Variants in FAM78B observed in about 807,000 individuals in gnomAD.
FAM78B encodes the protein family with sequence similarity 78 member B.
A neutral mutation model predicts 20.0 loss-of-function variants in FAM78B; 10 were observed. That is an observed-to-expected ratio of 0.50 (90% CI 0.31 to 0.85). The LOEUF (loss-of-function observed/expected upper bound fraction) is 0.85, where lower values mean the gene tolerates loss of function less well. Ranked by LOEUF, FAM78B falls within the 40% of genes least tolerant of loss-of-function variation. The pLI is 0.05. For missense variants in FAM78B, 283 were observed against 345.0 expected (o/e 0.82, Z 1.42); for synonymous variants, 135 against 132.8 (o/e 1.02, Z -0.12).
At chr1:166,073,502 C>T (rs1016108885) in intron 1 of FAM78B, among the ~76,000 whole-genome samples, 4 of 132,528 alleles carry the variant, frequency 3.0e-5, no homozygotes, top group Non-Finnish European at 5.9e-5. Context: ...TCTTCCCTCT[C>T]TCTATCTCTC....
intron 1 of FAM78B, among the ~76,000 whole-genome samples, chr1:166,088,602 G>A (rs1274782828): frequency 6.6e-6 from 1 of 152,186 alleles, no homozygotes; most frequent in Non-Finnish European, 1.5e-5. Context: ...GGAACGGTAG[G>A]TGTCACACTT....
intron 1 of FAM78B, among the ~76,000 whole-genome samples, chr1:166,118,767 CAAAGT>C (rs1277452144): frequency 6.6e-6 from 1 of 152,100 alleles, no homozygotes; most frequent in East Asian, 1.9e-4. Context: ...CTGAGGCCTT[CAAAGT>C]AAAGGGCTTA....
chr1:166,109,528 C>T (rs1457469831), intron 1 of FAM78B, among the ~76,000 whole-genome samples: 5 of 151,390 alleles, frequency 3.3e-5, no homozygotes, highest in East Asian at 2.0e-4. Context: ...GGTGTGGATG[C>T]GGTGAACAGA....
intron 1 of FAM78B, among the ~76,000 whole-genome samples, chr1:166,077,655 TATA>T (rs869166429): frequency 5.6e-5 from 7 of 126,040 alleles, no homozygotes; most frequent in Non-Finnish European, 9.8e-5. Context: ...ATATATAAAT[TATA>T]ATAAATACAT....
At chr1:166,096,629 G>A (rs554137822) in intron 1 of FAM78B, among the ~76,000 whole-genome samples, 2 of 152,254 alleles carry the variant, frequency 1.3e-5, no homozygotes, top group Non-Finnish European at 2.9e-5. Context: ...AAAGTAGAAC[G>A]AGAGTATCTC....
chr1:166,137,259 T>C (rs1655100824), intron 1 of FAM78B, among the ~76,000 whole-genome samples: 1 of 152,236 alleles, frequency 6.6e-6, no homozygotes, highest in African/African-American at 2.4e-5. Context: ...TACTGAGGAC[T>C]CTGGGCTGCA....
At chr1:166,064,417 T>A (rs1003848600), downstream of FAM78B, among the ~76,000 whole-genome samples, 2 of 152,050 alleles carry the variant, frequency 1.3e-5, no homozygotes, top group Non-Finnish European at 2.9e-5. Flanking sequence ...CTTCTCTAGG[T>A]TTAAACTAGG....
intron 1 of FAM78B, among the ~76,000 whole-genome samples, chr1:166,120,444 C>T (rs533076338): frequency 2.0e-5 from 3 of 152,300 alleles, no homozygotes; most frequent in South Asian, 2.1e-4. Flanking sequence ...CCAGCAACTG[C>T]GGGAACATGG....
At chr1:166,101,466 A>G (rs1653513813) in intron 1 of FAM78B, among the ~76,000 whole-genome samples, 1 of 152,204 alleles carries the variant, frequency 6.6e-6, no homozygotes, top group East Asian at 1.9e-4. Context: ...CCTTGAAAAA[A>G]AATTAGATGA....
intron 1 of FAM78B, among the ~76,000 whole-genome samples, chr1:166,152,577 G>C (rs73046938): frequency 8.8e-4 from 134 of 152,234 alleles, no homozygotes; most frequent in African/African-American, 3.2e-3. Flanking sequence ...GACACTTGTT[G>C]AATCAATCCC....
At chr1:166,057,596 A>G (rs1030969021) in exon 3 of FAM78B, 1 of 152,136 alleles carries the variant, frequency 6.6e-6, no homozygotes, top group African/African-American at 2.4e-5. Flanking sequence ...TTCTTCCTTC[A>G]TTGGGTTTTT....
intron 1 of FAM78B, among the ~76,000 whole-genome samples, chr1:166,136,047 AC>A (rs1215803922): frequency 6.6e-6 from 1 of 152,148 alleles, no homozygotes; most frequent in Non-Finnish European, 1.5e-5. Context: ...CTCAATGCTA[AC>A]TTTTTTCAAA....
At chr1:166,089,920 G>A (rs1287150896) in intron 1 of FAM78B, among the ~76,000 whole-genome samples, 1 of 152,192 alleles carries the variant, frequency 6.6e-6, no homozygotes, top group Non-Finnish European at 1.5e-5. Flanking sequence ...TGGCAGCGCT[G>A]CACAGACTCC....
At chr1:166,113,251 T>G (rs1219050158) in intron 1 of FAM78B, among the ~76,000 whole-genome samples, 1 of 152,208 alleles carries the variant, frequency 6.6e-6, no homozygotes, top group Non-Finnish European at 1.5e-5. Flanking sequence ...GTGTTCTGCC[T>G]CCTTACAGAC....
At chr1:166,149,853 G>A (rs1295309046) in intron 1 of FAM78B, among the ~76,000 whole-genome samples, 1 of 152,094 alleles carries the variant, frequency 6.6e-6, no homozygotes, top group Non-Finnish European at 1.5e-5. Context: ...GTGCCTTCTT[G>A]GGGGTTGCTG....
exon 3 of FAM78B, chr1:166,057,875 G>A (rs1239109980): frequency 6.6e-6 from 1 of 152,148 alleles, no homozygotes; most frequent in East Asian, 1.9e-4. Context: ...TGGGCCAGAT[G>A]GCTGGCAGCC....
intron 1 of FAM78B, among the ~76,000 whole-genome samples, chr1:166,155,174 A>G (rs1571210833): frequency 6.6e-6 from 1 of 152,250 alleles, no homozygotes; most frequent in East Asian, 1.9e-4. Flanking sequence ...AAGTCTCCTC[A>G]GCAAGGACGA....
intron 1 of FAM78B, among the ~76,000 whole-genome samples, chr1:166,091,530 T>A (rs1170323615): frequency 6.6e-6 from 1 of 152,240 alleles, no homozygotes; most frequent in African/African-American, 2.4e-5. Context: ...TCCAGCCATA[T>A]GGAACTCTAA....
rs1557903307 is a variant in FAM78B, at chr1:166,109,874, A to ATG, written c.264-39112_264-39111insCA. ...TATATATATATATGTATGTGTATATATATATATGTATATATGTATATATAT... is the reference window on the plus strand; with the variant it reads ...TATATATATATATGTATGTGTATATATGTATATATGTATATATGTATATATAT... On this transcript the variant is annotated intron_variant, in intron 1 of 1. Coordinates refer to ENST00000354422, the MANE Select transcript of FAM78B (RefSeq NM_001017961.5). 2.3e-3 allele frequency among the ~76,000 whole-genome samples: 41 copies of ATG among 17,798 alleles called. 7 individuals carry two copies. The highest frequency in any genetic ancestry group is 5.5e-3 in the African/African-American group (27 of 4,896). The allele number at this position is 17,798 out of a possible 152,430, so 11.7% of individuals were successfully genotyped here.
Sources: gnomAD v4.1 joint callset for allele counts (sites outside exome capture counted in the v4.1 genomes callset) on GRCh38, gnomAD v4.1.1 for gene constraint, MANE v1.5 for transcripts, NCBI Gene and HGNC (gene_info 2026-07-23, HGNC 2026-07-21) for gene names.